The following DCX variants were observed in gnomAD, a reference collection of about 807,000 sequenced individuals.
DCX encodes the protein neuronal migration protein doublecortin.
A neutral mutation model predicts 20.9 loss-of-function variants in DCX; 4 were observed. The observed-to-expected ratio is 0.19, with a 90% CI of 0.09 to 0.44. The LOEUF (loss-of-function observed/expected upper bound fraction) is 0.44, where lower values mean the gene tolerates loss of function less well. DCX is among the 20% of genes least tolerant of loss of function. DCX has a pLI of 0.99. For synonymous variants in DCX, 103 were observed against 111.4 expected (o/e 0.92, Z 0.47); for missense variants, 133 against 296.9 (o/e 0.45, Z 4.06).
At chrX:111,335,210 A>G (rs1417988609) in intron 3 of DCX, among the ~76,000 whole-genome samples, 3 of 111,956 alleles carry the variant, frequency 2.7e-5, no homozygotes, top group Admixed American at 9.4e-5. Flanking sequence ...TCCCTCTGTT[A>G]GTGGTCTCAA....
intron 6 of DCX, among the ~76,000 whole-genome samples, chrX:111,303,712 T>C (rs903739618): frequency 9.0e-6 from 1 of 111,506 alleles, no homozygotes; most frequent in Non-Finnish European, 1.9e-5. Context: ...TCTGAGACTA[T>C]AATTTGGGGG....
intron 5 of DCX, among the ~76,000 whole-genome samples, chrX:111,315,264 C>T (rs374639361): frequency 1.1e-5 from 1 of 91,166 alleles, no homozygotes; most frequent in Non-Finnish European, 2.1e-5. Flanking sequence ...AAAAAGTGGG[C>T]GAAGGACATG....
intron 3 of DCX, among the ~76,000 whole-genome samples, chrX:111,362,668 G>A (rs1298292845): frequency 1.8e-5 from 2 of 111,429 alleles, no homozygotes; most frequent in African/African-American, 6.5e-5. Context: ...GGATGCCTGG[G>A]GCTAGAGACA....
intron 2 of DCX, among the ~76,000 whole-genome samples, chrX:111,405,596 G>C (rs1345600440): frequency 9.0e-6 from 1 of 111,164 alleles, no homozygotes; most frequent in African/African-American, 3.3e-5. Flanking sequence ...AGTCATAAAT[G>C]ATATCCCCAA....
chrX:111,349,391 T>A (rs1274408472), intron 3 of DCX, among the ~76,000 whole-genome samples: 2 of 111,600 alleles, frequency 1.8e-5, no homozygotes, highest in Non-Finnish European at 3.8e-5. Context: ...GCAAACTGAG[T>A]CCAAGGGAAG....
chrX:111,317,673 GTC>G (rs2095076081), intron 5 of DCX, among the ~76,000 whole-genome samples: 1 of 111,761 alleles, frequency 8.9e-6, no homozygotes, highest in African/African-American at 3.3e-5. Flanking sequence ...TCTGACAAAG[GTC>G]TAATATCCAT....
chrX:111,394,544 C>T (rs1193889720), intron 3 of DCX, among the ~76,000 whole-genome samples: 1 of 111,757 alleles, frequency 8.9e-6, no homozygotes, highest in African/African-American at 3.3e-5. Context: ...GGAGACAATG[C>T]TTTTTCTCCC....
At chrX:111,321,169 C>A (rs1014331952) in intron 5 of DCX, among the ~76,000 whole-genome samples, 2 of 111,853 alleles carry the variant, frequency 1.8e-5, no homozygotes, top group Non-Finnish European at 3.8e-5. Flanking sequence ...CAAGAGCTTT[C>A]TTTCATTCAC....
chrX:111,340,811 C>A (rs923779358), intron 3 of DCX, among the ~76,000 whole-genome samples: 1 of 111,323 alleles, frequency 9.0e-6, no homozygotes, highest in African/African-American at 3.3e-5. Context: ...GAAAGAAAAA[C>A]AAACAAACAG....
Position 111,355,186 on chromosome X carries a change from G to T in DCX, c.706-22033C>A, listed in dbSNP as rs185237188. ...GGTTCTTAATCTTGTTAAAGAAAAA[G>T]ATTTTTTTTTAAATTGAACCCCTGT... On this transcript the variant is annotated intron_variant, in intron 3 of 6. Transcript: ENST00000636035. Among the ~76,000 whole-genome samples, 172 of 111,924 alleles carry T rather than the reference G, an allele frequency of 1.5e-3. 1 individual carries two copies. Among genetic ancestry groups the T allele is most frequent in the African/African-American group, 5.2e-3 (161 of 30,838 alleles).
At chrX:111,397,683 C>A (rs1226332318) in intron 3 of DCX, among the ~76,000 whole-genome samples, 1 of 111,831 alleles carries the variant, frequency 8.9e-6, no homozygotes, top group Non-Finnish European at 1.9e-5. Flanking sequence ...ACCAATATTA[C>A]CATTAAAGTT....
At chrX:111,391,684 T>C (rs1206483562) in intron 3 of DCX, among the ~76,000 whole-genome samples, 4 of 110,888 alleles carry the variant, frequency 3.6e-5, no homozygotes, top group Non-Finnish European at 7.5e-5. Context: ...CTTTCCCTAG[T>C]TGTGACAACC....
chrX:111,317,659 T>G (rs1318718912), intron 5 of DCX, among the ~76,000 whole-genome samples: 1 of 111,987 alleles, frequency 8.9e-6, no homozygotes, highest in South Asian at 3.7e-4. Flanking sequence ...TTGCAAATTA[T>G]GCATCTGACA....
rs144725304 is a variant in DCX, at chrX:111,319,765, C to T, written c.947-7029G>A. On this transcript the variant is annotated intron_variant, in intron 5 of 6. Coordinates refer to ENST00000636035, the MANE Select transcript of DCX (RefSeq NM_001195553.2). ...AACTCTTCCAAAAGAGCTGTGACCT[C>T]GGCCATAAAGTCTGAGTGGTGGGCA... 2.9e-3 allele frequency among the ~76,000 whole-genome samples: 329 copies of T among 112,018 alleles called. 3 individuals carry two copies. Among genetic ancestry groups the T allele is most frequent in the African/African-American group, 0.01 (311 of 30,837 alleles).
At chrX:111,376,349 G>C (rs1164382822) in intron 3 of DCX, among the ~76,000 whole-genome samples, 1 of 111,489 alleles carries the variant, frequency 9.0e-6, no homozygotes, top group Non-Finnish European at 1.9e-5. Flanking sequence ...TGGCAAAATA[G>C]ACCTTAGAAG....
At chrX:111,305,796 A>T (rs902110199) in intron 6 of DCX, among the ~76,000 whole-genome samples, 1 of 111,011 alleles carries the variant, frequency 9.0e-6, no homozygotes, top group African/African-American at 3.3e-5. Context: ...AGGAGAAAAA[A>T]GGAGTGGGAA....
At chrX:111,352,837 CAG>C (rs768081351) in intron 3 of DCX, among the ~76,000 whole-genome samples, 6,148 of 89,562 alleles carry the variant, frequency 0.069, 382 homozygotes, top group African/African-American at 0.19. Flanking sequence ...GACAGACAGA[CAG>C]AGAGAGAGAG....
chrX:111,362,119 G>A (rs1252154427), intron 3 of DCX, among the ~76,000 whole-genome samples: 1 of 110,991 alleles, frequency 9.0e-6, no homozygotes, highest in Non-Finnish European at 1.9e-5. Context: ...ACAGATAAGA[G>A]GTCAAGAGAA....
At chrX:111,316,733 A>G (rs2095073612) in intron 5 of DCX, among the ~76,000 whole-genome samples, 1 of 111,824 alleles carries the variant, frequency 8.9e-6, no homozygotes, top group African/African-American at 3.2e-5. Context: ...AAGTCTCAGG[A>G]TACAAAATCA....
Sources: gnomAD v4.1 joint callset for allele counts (sites outside exome capture counted in the v4.1 genomes callset) on GRCh38, gnomAD v4.1.1 for gene constraint, MANE v1.5 for transcripts, NCBI Gene and HGNC (gene_info 2026-07-23, HGNC 2026-07-21) for gene names.